ERH: variants seen among roughly 807,000 people sequenced by gnomAD.
ERH encodes the protein ERH mRNA splicing and mitosis factor.
In ERH, 1 loss-of-function variant was observed where a neutral mutation model predicts 16.8. The observed-to-expected ratio is 0.06, with a 90% CI of 0.02 to 0.28. ERH has a LOEUF of 0.28. ERH is among the 10% of genes least tolerant of loss of function. The pLI is 1.00. For synonymous variants in ERH, 43 were observed against 43.6 expected (o/e 0.99, Z 0.05); for missense variants, 42 against 127.5 (o/e 0.33, Z 3.23).
chr14:69,389,563 T>C (rs1340910871), intron 2 of ERH, among the ~76,000 whole-genome samples: 1 of 152,142 alleles, frequency 6.6e-6, no homozygotes, highest in Non-Finnish European at 1.5e-5. Context: ...AAAAATCTAT[T>C]AGAACTAAGA....
intron 3 of ERH, among the ~76,000 whole-genome samples, chr14:69,382,464 C>G (rs1489919424): frequency 6.6e-6 from 1 of 152,070 alleles, no homozygotes; most frequent in African/African-American, 2.4e-5. Context: ...TTTGTTTATA[C>G]CATTCCCCCC....
chr14:69,381,808 C>T (rs1187980750), intron 3 of ERH, among the ~76,000 whole-genome samples: 13 of 152,170 alleles, frequency 8.5e-5, no homozygotes, highest in Non-Finnish European at 7.3e-5. Context: ...CCTGCCTCAG[C>T]CTCCTGAGTA....
intron 1 of ERH, 40 bp from the exon 2 acceptor site, chr14:69,394,952 G>C (rs755793495): frequency 1.4e-6 from 2 of 1,386,500 alleles, no homozygotes; most frequent in Non-Finnish European, 1.0e-6. Context: ...GTTTCTATTT[G>C]AGAAATTCAT....
chr14:69,385,893 T>G (rs1017428196), intron 3 of ERH, among the ~76,000 whole-genome samples: 1 of 152,182 alleles, frequency 6.6e-6, no homozygotes, highest in Non-Finnish European at 1.5e-5. Flanking sequence ...CATTGCTCCC[T>G]GCTCCTCCAA....
chr14:69,390,287 T>G (rs1372049089), intron 2 of ERH, among the ~76,000 whole-genome samples: 1 of 151,854 alleles, frequency 6.6e-6, no homozygotes, highest in African/African-American at 2.4e-5. Flanking sequence ...CACTGGAGGA[T>G]TCAAACTTCC....
intron 3 of ERH, among the ~76,000 whole-genome samples, chr14:69,383,986 A>T (rs973983453): frequency 9.3e-5 from 14 of 150,470 alleles, no homozygotes; most frequent in African/African-American, 2.9e-4. Flanking sequence ...TGTCTCTAAA[A>T]TTTTTTTTTT....
chr14:69,382,219 C>A (rs530945951), intron 3 of ERH, among the ~76,000 whole-genome samples: 1 of 152,334 alleles, frequency 6.6e-6, no homozygotes, highest in Non-Finnish European at 1.5e-5. Flanking sequence ...AGGTCACAAT[C>A]TGGTTTATTA....
At chr14:69,380,676 G>A (rs777343678) in intron 3 of ERH, 36 bp from the exon 4 acceptor site, 3 of 1,185,916 alleles carry the variant, frequency 2.5e-6, no homozygotes, top group African/African-American at 1.5e-5. Flanking sequence ...AGTCACAGTG[G>A]TCAATCACTG....
intron 1 of ERH, among the ~76,000 whole-genome samples, chr14:69,396,923 A>C (rs1258636597): frequency 6.6e-6 from 1 of 152,266 alleles, no homozygotes; most frequent in Non-Finnish European, 1.5e-5. Context: ...AAGAAAAAAT[A>C]ATTTTGTAGA....
rs528274914 is a variant in ERH, at chr14:69,391,638, ACT to A, written c.91+3185_91+3186del. On this transcript the variant is annotated intron_variant, in intron 2 of 3. Coordinates refer to ENST00000557016, the MANE Select transcript of ERH (RefSeq NM_004450.3). ...ATTCCAGCCTGGGTGACAGAGTAAG[ACT>A]CTGTCTCGCACGCCAAAAAAAAAAA... is the stretch of plus-strand genomic sequence containing the variant. 5.1e-3 allele frequency among the ~76,000 whole-genome samples: 614 copies of A among 119,982 alleles called. 2 individuals are homozygous for A. The highest frequency in any genetic ancestry group is 8.0e-3 in the Non-Finnish European group (499 of 62,504). 78.7% of individuals were successfully genotyped at this position (119,982 alleles called of 152,430 possible). A position where few individuals can be genotyped will look rare whatever the true frequency, so the allele number is the denominator to read the frequency against.
At chr14:69,394,488 T>C (rs543274067) in intron 2 of ERH, among the ~76,000 whole-genome samples, 113 of 152,284 alleles carry the variant, frequency 7.4e-4, no homozygotes, top group African/African-American at 2.6e-3. Flanking sequence ...CCCAGCTACT[T>C]GGGAGGCTGA....
chr14:69,395,282 G>A (rs1361090475), intron 1 of ERH, among the ~76,000 whole-genome samples: 2 of 152,030 alleles, frequency 1.3e-5, no homozygotes, highest in African/African-American at 2.4e-5. Flanking sequence ...CGGAGAGTGA[G>A]GCCCTATCTC....
At chr14:69,391,571 C>T (rs1421916132) in intron 2 of ERH, among the ~76,000 whole-genome samples, 2 of 142,824 alleles carry the variant, frequency 1.4e-5, no homozygotes, top group African/African-American at 5.2e-5. Context: ...TCGCTTGAAC[C>T]AGGGAGGCAG....
chr14:69,393,176 G>C (rs1268268848), intron 2 of ERH, among the ~76,000 whole-genome samples: 1 of 152,186 alleles, frequency 6.6e-6, no homozygotes, highest in Non-Finnish European at 1.5e-5. Flanking sequence ...AATTAGCTGG[G>C]CGTGGTGGCA....
intron 1 of ERH, among the ~76,000 whole-genome samples, chr14:69,395,943 C>G (rs1277861063): frequency 6.6e-6 from 1 of 152,172 alleles, no homozygotes; most frequent in Non-Finnish European, 1.5e-5. Flanking sequence ...AGTGATCAGT[C>G]ACTAACAAAT....
intron 1 of ERH, among the ~76,000 whole-genome samples, chr14:69,396,557 G>T (rs931149449): frequency 4.6e-5 from 7 of 152,098 alleles, no homozygotes; most frequent in African/African-American, 1.7e-4. Context: ...CACCGCGCCT[G>T]GACAAAATGA....
chr14:69,387,298 T>G (rs1037495150), intron 2 of ERH, among the ~76,000 whole-genome samples: 2 of 152,188 alleles, frequency 1.3e-5, no homozygotes, highest in African/African-American at 4.8e-5. Context: ...GGCTTACGCC[T>G]GTAATCCCAG....
chr14:69,389,373 T>C (rs1222761065), intron 2 of ERH, among the ~76,000 whole-genome samples: 1 of 152,150 alleles, frequency 6.6e-6, no homozygotes, highest in African/African-American at 2.4e-5. Flanking sequence ...CTGTTAAGAT[T>C]AGGAAGAATA....
chr14:69,385,934 T>C (rs1211346456), intron 3 of ERH, among the ~76,000 whole-genome samples: 1 of 152,224 alleles, frequency 6.6e-6, no homozygotes, highest in Admixed American at 6.5e-5. Flanking sequence ...CACTCATTCC[T>C]CTGCAGCCTC....
Sources: gnomAD v4.1 joint callset for allele counts (sites outside exome capture counted in the v4.1 genomes callset) on GRCh38, gnomAD v4.1.1 for gene constraint, MANE v1.5 for transcripts, NCBI Gene and HGNC (gene_info 2026-07-23, HGNC 2026-07-21) for gene names.